ATXN3L: variants seen among roughly 807,000 people sequenced by gnomAD.
The protein encoded by ATXN3L is ataxin-3-like protein.
For synonymous variants in ATXN3L, 98 were observed against 96.1 expected (o/e 1.02, Z -0.12); for missense variants, 283 against 255.2 (o/e 1.11, Z -0.74).
rs775440487 is a variant in ATXN3L, at chrX:13,319,183, A to G, written c.752T>C (p.Ile251Thr). 8.3e-6 allele frequency: 10 copies of G among 1,209,855 alleles called. No homozygotes were observed. Among genetic ancestry groups the G allele is most frequent in the East Asian group, 3.0e-5 (1 of 33,804 alleles). Reference sequence around the variant, plus strand: ...GGAACTACCTTGCATGCTTAACTCAATAGTACTGCGGAGATGTTCATCTTC... The same window carrying G: ...GGAACTACCTTGCATGCTTAACTCAGTAGTACTGCGGAGATGTTCATCTTC... Reference protein sequence around the residue: ...NREDEHLRSTIELSMQGSSGN... With the variant: ...NREDEHLRSTTELSMQGSSGN... The change falls in exon 1 of 1, where the codon ATT (isoleucine) becomes ACT (threonine). Residue 251 changes from isoleucine to threonine, a missense_variant. Coordinates refer to ENST00000380622, the MANE Select transcript of ATXN3L (RefSeq NM_001135995.2).
chrX:13,319,947 C>T lies in ATXN3L; in HGVS notation c.-13G>A, dbSNP rs773722796. The T allele has an allele frequency of 1.5e-5, 17 of 1,168,388 alleles. 1 individual carries two copies. The highest frequency in any genetic ancestry group is 7.1e-5 in the African/African-American group (4 of 56,535). ...AGATGAAATCCATGTTAATTGTATCCGTGAGTTTCTGTAGGTATGCCGGAA... is the reference window on the plus strand; with the variant it reads ...AGATGAAATCCATGTTAATTGTATCTGTGAGTTTCTGTAGGTATGCCGGAA... On this transcript the variant is annotated 5_prime_UTR_variant, in exon 1 of 1. Coordinates refer to ENST00000380622, the MANE Select transcript of ATXN3L (RefSeq NM_001135995.2).
Position 13,319,345 on chromosome X carries a change from A to C in ATXN3L, c.590T>G (p.Val197Gly). ...DTPKLNGKKL[V>G]KQKEHRVYKT... Reference sequence around the variant, plus strand: ...ATAGACTCTATGCTCTTTTTGTTTTACTAATTTTTTTCCATTAAGTTTTGG... The same window carrying C: ...ATAGACTCTATGCTCTTTTTGTTTTCCTAATTTTTTTCCATTAAGTTTTGG... Residue 197 changes from valine to glycine, a missense_variant, in exon 1 of 1, where the codon GTA becomes GGA. Transcript: ENST00000380622. The C allele has an allele frequency of 8.3e-7, 1 of 1,210,095 alleles. No individual in the cohort carries two copies. The highest frequency in any genetic ancestry group is 1.1e-6 in the Non-Finnish European group (1 of 894,731).
Position 13,318,775 on chromosome X carries a change from A to G in ATXN3L, c.*92T>C. 2.6e-6 allele frequency: 2 copies of G among 759,190 alleles called. No individual in the cohort carries two copies. Among genetic ancestry groups the G allele is most frequent in the Non-Finnish European group, 3.8e-6 (2 of 528,812 alleles). 62.6% of individuals were successfully genotyped at this position (759,190 alleles called of 1,213,427 possible). On this transcript the variant is annotated 3_prime_UTR_variant, in exon 1 of 1. Coordinates refer to ENST00000380622, the MANE Select transcript of ATXN3L (RefSeq NM_001135995.2). Reference sequence around the variant, plus strand: ...AACTGTCTAAAAGCCTTATTTCCTCATCTCTTTGACAGATGACCAAAATGG... The same window carrying G: ...AACTGTCTAAAAGCCTTATTTCCTCGTCTCTTTGACAGATGACCAAAATGG...
chrX:13,318,876 C>T lies in ATXN3L; in HGVS notation c.1059G>A (p.Gly353=), dbSNP rs751358610. 5.9e-6 allele frequency: 7 copies of T among 1,187,202 alleles called. No individual in the cohort carries two copies. The Admixed American group carries it at 1.6e-4, about 28-fold the overall frequency. Residue 353 remains glycine, a synonymous_variant, in exon 1 of 1, where the codon GGG becomes GGA. Transcript: ENST00000380622. ...ATTATTTTTAAAGGCATTATTTTTC[C>T]CCTTTGATTTTCAAATTCTTTCTCA... ...EIMRKNLKIK[G]EK
Position 13,319,495 on chromosome X carries a change from C to T in ATXN3L, c.440G>A (p.Cys147Tyr), listed in dbSNP as rs202175024. ...TAATCGAGCCAAGAAATTTGCAAGG[C>T]ATGTATCTGATATTAATTCTGGACC... is the stretch of plus-strand genomic sequence containing the variant. ...LAGPELISDT[C>Y]LANFLARLQQ... Residue 147 changes from cysteine to tyrosine, a missense_variant, in exon 1 of 1, where the codon TGC (cysteine) becomes TAC (tyrosine). By Grantham distance (194) the Cys-to-Tyr change is radical (BLOSUM62 -2). Coordinates refer to ENST00000380622, the MANE Select transcript of ATXN3L (RefSeq NM_001135995.2). 197 of 1,209,861 alleles carry T rather than the reference C, an allele frequency of 1.6e-4. No homozygotes were observed. The highest frequency in any genetic ancestry group is 7.4e-5 in the Non-Finnish European group (66 of 895,117).
chrX:13,319,843 A>C lies in ATXN3L; in HGVS notation c.92T>G (p.Val31Gly). 1.2e-5 allele frequency: 15 copies of C among 1,211,448 alleles called. No individual in the cohort carries two copies. Among genetic ancestry groups the C allele is most frequent in the Non-Finnish European group, 1.7e-5 (15 of 895,203 alleles). ...NLLQGEYFSP[V>G]ELASIAHQLD... is the part of the protein sequence containing the mutation. ...CTGATGTGCAATTGAGGCTAATTCCACAGGGCTAAAATATTCTCCTTGCAA... is the reference window on the plus strand; with the variant it reads ...CTGATGTGCAATTGAGGCTAATTCCCCAGGGCTAAAATATTCTCCTTGCAA... The change falls in exon 1 of 1, where the codon GTG becomes GGG. Residue 31 changes from valine (V) to glycine (G), a missense_variant. Physicochemically the swap from Val to Gly is moderately radical, Grantham distance 109. Coordinates refer to ENST00000380622, the MANE Select transcript of ATXN3L (RefSeq NM_001135995.2).
At position 13,319,984 on chromosome X, in the gene ATXN3L, C is replaced by T. The variant is rs1301109499; in HGVS notation, c.-50G>A. ...TAGGTATGCCGGAAGATGTTGTATG[C>T]CCAGCTATGGCAGTTACCTGGGCAG... On this transcript the variant is annotated 5_prime_UTR_variant, in exon 1 of 1. Transcript: ENST00000380622. 3 of 1,012,356 alleles carry T rather than the reference C, an allele frequency of 3.0e-6. No individual in the cohort carries two copies. Among genetic ancestry groups the T allele is most frequent in the Non-Finnish European group, 4.1e-6 (3 of 735,556 alleles). 83.4% of individuals were successfully genotyped at this position (1,012,356 alleles called of 1,213,427 possible).
rs1232644001 is a variant in ATXN3L, at chrX:13,318,755, T to A, written c.*112A>T. 1.1e-5 allele frequency: 7 copies of A among 609,281 alleles called. No homozygotes were observed. Among genetic ancestry groups the A allele is most frequent in the Non-Finnish European group, 1.7e-5 (7 of 403,765 alleles). 50.2% of individuals were successfully genotyped at this position (609,281 alleles called of 1,213,427 possible). A position where few individuals can be genotyped will look rare whatever the true frequency, so the allele number is the denominator to read the frequency against. ...CTCTCGTCATTTTGTTTGCAAACTG[T>A]CTAAAAGCCTTATTTCCTCATCTCT... is the stretch of plus-strand genomic sequence containing the variant. On this transcript the variant is annotated 3_prime_UTR_variant, in exon 1 of 1. Transcript: ENST00000380622.
At position 13,318,706 on chromosome X, in the gene ATXN3L, C is replaced by T. The variant is rs1253536746; in HGVS notation, c.*161G>A. ...AATGTCTCCTTGGCTAGTAGTTGAA[C>T]GATCATTATTTAGTCCCACATCTCT... On this transcript the variant is annotated 3_prime_UTR_variant, in exon 1 of 1. Transcript: ENST00000380622. The T allele has an allele frequency of 1.0e-5, 4 of 389,193 alleles. No homozygotes were observed. Among genetic ancestry groups the T allele is most frequent in the African/African-American group, 5.2e-5 (2 of 38,566 alleles). The allele number at this position is 389,193 out of a possible 1,213,427, so 32.1% of individuals were successfully genotyped here.
rs2044471763 is a variant in ATXN3L at position 13,319,349 on chromosome X, A to G, written c.586T>C (p.Leu196=). Residue 196 remains leucine (L), a synonymous_variant, in exon 1 of 1, where the codon TTA becomes CTA. Coordinates refer to ENST00000380622, the MANE Select transcript of ATXN3L (RefSeq NM_001135995.2). ...MDTPKLNGKK[L]VKQKEHRVYK... is the part of the protein sequence containing the mutation. Reference sequence around the variant, plus strand: ...ACTCTATGCTCTTTTTGTTTTACTAATTTTTTTCCATTAAGTTTTGGTGTA... The same window carrying G: ...ACTCTATGCTCTTTTTGTTTTACTAGTTTTTTTCCATTAAGTTTTGGTGTA... 1.7e-6 allele frequency: 2 copies of G among 1,209,467 alleles called. No individual in the cohort carries two copies. Among genetic ancestry groups the G allele is most frequent in the African/African-American group, 1.7e-5 (1 of 57,327 alleles).
rs1315342928 is a variant in ATXN3L at position 13,319,750 on chromosome X, A to G, written c.185T>C (p.Leu62Ser). 1 of 1,211,958 alleles carries G rather than the reference A, an allele frequency of 8.3e-7. No individual in the cohort carries two copies. Among genetic ancestry groups the G allele is most frequent in the African/African-American group, 1.7e-5 (1 of 57,880 alleles). ...GVTSEEYLAFLQQPSENMDDT... is the reference protein window; with the variant it reads ...GVTSEEYLAFSQQPSENMDDT... ...ATCCATGTTTTCTGAAGGCTGCTGT[A>G]AAAATGCAAGATACTCTTCACTGGT... Residue 62 changes from leucine to serine, a missense_variant, in exon 1 of 1, where the codon TTA becomes TCA. Physicochemically the swap from Leu to Ser is moderately radical, Grantham distance 145. Coordinates refer to ENST00000380622, the MANE Select transcript of ATXN3L (RefSeq NM_001135995.2).
At position 13,319,338 on chromosome X, in the gene ATXN3L, T is replaced by C. The variant is rs1235212656; in HGVS notation, c.597A>G (p.Gln199=). The C allele has an allele frequency of 8.3e-7, 1 of 1,211,178 alleles. No homozygotes were observed. The highest frequency in any genetic ancestry group is 2.2e-5 in the Admixed American group (1 of 46,006). ...CTGTTTTATAGACTCTATGCTCTTT[T>C]TGTTTTACTAATTTTTTTCCATTAA... ...PKLNGKKLVK[Q]KEHRVYKTVL... Residue 199 remains glutamine (Q), a synonymous_variant, in exon 1 of 1, where the codon CAA becomes CAG. Coordinates refer to ENST00000380622, the MANE Select transcript of ATXN3L (RefSeq NM_001135995.2).
chrX:13,319,647 A>G lies in ATXN3L; in HGVS notation c.288T>C (p.Asn96=), dbSNP rs1208392043. ...CAATGCCGAGCTTCTGATATTCAGGATTATTGAAATGGATGATCTCTAAAC... is the reference window on the plus strand; with the variant it reads ...CAATGCCGAGCTTCTGATATTCAGGGTTATTGAAATGGATGATCTCTAAAC... ...FWGLEIIHFN[N]PEYQKLGIDP... Residue 96 remains asparagine, a synonymous_variant, in exon 1 of 1, where the codon AAT becomes AAC. Coordinates refer to ENST00000380622, the MANE Select transcript of ATXN3L (RefSeq NM_001135995.2). 2 of 1,211,547 alleles carry G rather than the reference A, an allele frequency of 1.7e-6. No individual in the cohort carries two copies. Among genetic ancestry groups the G allele is most frequent in the East Asian group, 3.0e-5 (1 of 33,858 alleles).
rs767792784 is a variant in ATXN3L at position 13,319,356 on chromosome X, T to G, written c.579A>C (p.Gly193=). 1 of 1,211,085 alleles carries G rather than the reference T, an allele frequency of 8.3e-7. No homozygotes were observed. The change falls in exon 1 of 1, where the codon GGA becomes GGC. Residue 193 remains glycine (G), a synonymous_variant. Coordinates refer to ENST00000380622, the MANE Select transcript of ATXN3L (RefSeq NM_001135995.2). ...VEEMDTPKLN[G]KKLVKQKEHR... ...GCTCTTTTTGTTTTACTAATTTTTTTCCATTAAGTTTTGGTGTATCCATCT... is the reference window on the plus strand; with the variant it reads ...GCTCTTTTTGTTTTACTAATTTTTTGCCATTAAGTTTTGGTGTATCCATCT...
At position 13,318,890 on chromosome X, in the gene ATXN3L, A is replaced by G. The variant is rs368171709; in HGVS notation, c.1045T>C (p.Leu349=). 7.9e-4 allele frequency: 941 copies of G among 1,192,339 alleles called. No homozygotes were observed. Among genetic ancestry groups the G allele is most frequent in the Non-Finnish European group, 9.7e-4 (859 of 887,171 alleles). The change falls in exon 1 of 1, where the codon TTG becomes CTG. Residue 349 remains leucine (L), a synonymous_variant. Transcript: ENST00000380622. ...DTILEIMRKN[L]KIKGEK is the part of the protein sequence containing the mutation. ...CATTATTTTTCCCCTTTGATTTTCA[A>G]ATTCTTTCTCATAATTTCTAAAATG... is the stretch of plus-strand genomic sequence containing the variant.
Position 13,319,125 on chromosome X carries a change from T to G in ATXN3L, c.810A>C (p.Ser270=). Residue 270 remains serine (S), a synonymous_variant, in exon 1 of 1, where the codon TCA becomes TCC. Transcript: ENST00000380622. The part of the protein sequence containing the change: ...GNTSQDLPKT[S]CVTPASEQPK... ...GCTGTTCTGAAGCAGGAGTTACACA[T>G]GATGTCTTTGGAAGATCTTGCGATG... 1 of 1,211,565 alleles carries G rather than the reference T, an allele frequency of 8.3e-7. No individual in the cohort carries two copies. Among genetic ancestry groups the G allele is most frequent in the South Asian group, 1.8e-5 (1 of 56,984 alleles).
Position 13,319,329 on chromosome X carries a change from A to C in ATXN3L, c.606T>G (p.His202Gln). ...NGKKLVKQKEHRVYKTVLEKV... is the reference protein window; with the variant it reads ...NGKKLVKQKEQRVYKTVLEKV... ...TTTCAAGGACTGTTTTATAGACTCT[A>C]TGCTCTTTTTGTTTTACTAATTTTT... The change falls in exon 1 of 1, where the codon CAT becomes CAG. Residue 202 changes from histidine to glutamine, a missense_variant. Physicochemically the swap from His to Gln is conservative, Grantham distance 24. Coordinates refer to ENST00000380622, the MANE Select transcript of ATXN3L (RefSeq NM_001135995.2). 2 of 1,210,822 alleles carry C rather than the reference A, an allele frequency of 1.7e-6. No individual in the cohort carries two copies. Among genetic ancestry groups the C allele is most frequent in the Non-Finnish European group, 2.2e-6 (2 of 894,914 alleles).
At position 13,319,529 on chromosome X, in the gene ATXN3L, GAGA is replaced by G. The variant is rs761017079; in HGVS notation, c.403_405del (p.Ser135del). 1 of 1,211,656 alleles carries G rather than the reference GAGA, an allele frequency of 8.3e-7. No homozygotes were observed. The highest frequency in any genetic ancestry group is 1.1e-6 in the Non-Finnish European group (1 of 895,434). On this transcript the variant is annotated inframe_deletion, in exon 1 of 1. Transcript: ENST00000380622. ...GATATTAATTCTGGACCCGCCAAGA[GAGA>G]ATTCAAGTTAAACCAGTGTTTTCCA...
In ATXN3L at chrX:13,318,717, T is replaced by C; in HGVS notation, c.*150A>G. On this transcript the variant is annotated 3_prime_UTR_variant, in exon 1 of 1. Coordinates refer to ENST00000380622, the MANE Select transcript of ATXN3L (RefSeq NM_001135995.2). ...GGCTAGTAGTTGAACGATCATTATT[T>C]AGTCCCACATCTCTCTCGTCATTTT... is the stretch of plus-strand genomic sequence containing the variant. 1 of 418,143 alleles carries C rather than the reference T, an allele frequency of 2.4e-6. No homozygotes were observed. Among genetic ancestry groups the C allele is most frequent in the Non-Finnish European group, 4.0e-6 (1 of 249,578 alleles). 34.5% of individuals were successfully genotyped at this position (418,143 alleles called of 1,213,427 possible).
Sources: gnomAD v4.1 joint callset for allele counts on GRCh38, gnomAD v4.1.1 for gene constraint, MANE v1.5 for transcripts, NCBI Gene and HGNC (gene_info 2026-07-23, HGNC 2026-07-21) for gene names.